The following PHKB variants were observed in gnomAD, a reference collection of about 807,000 sequenced individuals.
PHKB encodes phosphorylase b kinase regulatory subunit beta.
PHKB carries 122 observed loss-of-function variants against 152.1 expected under a neutral mutation model. The observed-to-expected ratio is 0.80, with a 90% CI of 0.69 to 0.93. PHKB has a LOEUF of 0.93. Among genes scored for constraint, PHKB ranks in the 40% least tolerant of loss-of-function variants. PHKB has a pLI of 0.00. For missense variants in PHKB, 1,304 were observed against 1,328.4 expected, an observed-to-expected ratio of 0.98 and a Z score of 0.29; for synonymous variants, 436 against 464.9, an observed-to-expected ratio of 0.94 and a Z score of 0.80.
At chr16:47,677,898 T>G (rs556829029) in intron 26 of PHKB, among the ~76,000 whole-genome samples, 1 of 150,752 alleles carries the variant, frequency 6.6e-6, no homozygotes, top group East Asian at 2.0e-4. Context: ...TAGGTATATC[T>G]CCTAATGCTA....
At chr16:47,468,907 G>A (rs949922842) in intron 1 of PHKB, among the ~76,000 whole-genome samples, 5 of 152,150 alleles carry the variant, frequency 3.3e-5, no homozygotes, top group Admixed American at 2.0e-4. Flanking sequence ...TGTTTGGGTA[G>A]CTTGTTCCTT....
chr16:47,497,562 T>A, intron 2 of PHKB, 74 bp downstream of exon 2: 1 of 866,972 alleles, frequency 1.2e-6, no homozygotes, highest in Non-Finnish European at 1.9e-6. Flanking sequence ...TTAAATTATG[T>A]ACATTATGTG....
rs199656987 is a variant in PHKB, at chr16:47,478,466, ATTTTTTTTTT to A, written c.76+17052_76+17061del. ...GAAGCAGGTTATATATTGCTGTGAA[ATTTTTTTTTT>A]TTTTTTTTTTTGCTTTACCTGAAAA... On this transcript the variant is annotated intron_variant, in intron 1 of 30. Coordinates refer to ENST00000323584, the MANE Select transcript of PHKB (RefSeq NM_000293.3). Among the ~76,000 whole-genome samples the A allele has an allele frequency of 6.6e-3, 840 of 127,908 alleles. 13 individuals are homozygous for A. Among genetic ancestry groups the A allele is most frequent in the African/African-American group, 0.024 (797 of 32,642 alleles). The allele number at this position is 127,908 out of a possible 152,430, so 83.9% of individuals were successfully genotyped here.
intron 11 of PHKB, 83 bp from the exon 12 acceptor site, chr16:47,594,054 G>A (rs990875460): frequency 2.8e-5 from 20 of 717,316 alleles, no homozygotes; most frequent in African/African-American, 5.3e-5. Context: ...ATTGTAACTG[G>A]GCTAATATAT....
At chr16:47,683,519 T>C (rs1419447070) in intron 26 of PHKB, among the ~76,000 whole-genome samples, 1 of 152,190 alleles carries the variant, frequency 6.6e-6, no homozygotes, top group Non-Finnish European at 1.5e-5. Context: ...CAGACTGCTG[T>C]GCTAGCAATC....
At chr16:47,515,931 CTTTT>C (rs753864226) in intron 6 of PHKB, among the ~76,000 whole-genome samples, 1 of 140,338 alleles carries the variant, frequency 7.1e-6, no homozygotes, top group Non-Finnish European at 1.6e-5. Flanking sequence ...CAATTATTGT[CTTTT>C]TTTTTTTTTT....
chr16:47,697,487 C>G (rs2142111630), intron 29 of PHKB, among the ~76,000 whole-genome samples: 1 of 152,336 alleles, frequency 6.6e-6, no homozygotes, highest in Middle Eastern at 3.4e-3. Context: ...ACAGTGAAGT[C>G]ATTCCCTTTG....
Position 47,666,336 on chromosome 16 carries a change from C to T in PHKB, c.2427+1361C>T, listed in dbSNP as rs139865819. On this transcript the variant is annotated intron_variant, in intron 25 of 30. Transcript: ENST00000323584. ...CTACTGAAGTACTCCAGACAGGTTT[C>T]GGATAGGCAGAACAGAGGTAGGTGA... 3.2e-3 allele frequency among the ~76,000 whole-genome samples: 482 copies of T among 152,280 alleles called. 2 individuals are homozygous for T. The highest frequency in any genetic ancestry group is 0.011 in the African/African-American group (458 of 41,556).
chr16:47,680,264 C>A (rs1973823964), intron 26 of PHKB, among the ~76,000 whole-genome samples: 1 of 152,140 alleles, frequency 6.6e-6, no homozygotes, highest in East Asian at 1.9e-4. Flanking sequence ...GCTTTGGTAT[C>A]AGGATTATGC....
intron 14 of PHKB, among the ~76,000 whole-genome samples, chr16:47,620,681 C>A (rs1223023826): frequency 6.6e-6 from 1 of 152,142 alleles, no homozygotes; most frequent in Non-Finnish European, 1.5e-5. Context: ...CAAGACCAGC[C>A]TGGCCAACAT....
intron 7 of PHKB, among the ~76,000 whole-genome samples, chr16:47,571,963 C>T (rs560824677): frequency 1.3e-5 from 2 of 152,198 alleles, no homozygotes; most frequent in South Asian, 4.1e-4. Flanking sequence ...ACTGTGAATC[C>T]AGCTGCTTAT....
chr16:47,470,710 T>G (rs972921929), intron 1 of PHKB, among the ~76,000 whole-genome samples: 12 of 152,250 alleles, frequency 7.9e-5, no homozygotes, highest in Non-Finnish European at 1.5e-4. Context: ...CTTCTCTTCA[T>G]CTATAGTGCC....
chr16:47,506,198 AAAG>A (rs1468108247), intron 4 of PHKB, among the ~76,000 whole-genome samples: 1 of 151,960 alleles, frequency 6.6e-6, no homozygotes, highest in South Asian at 2.1e-4. Flanking sequence ...AAAAAAAAGA[AAAG>A]AAAGAAAAAA....
At chr16:47,642,957 C>T (rs574326525) in intron 16 of PHKB, among the ~76,000 whole-genome samples, 5 of 152,142 alleles carry the variant, frequency 3.3e-5, no homozygotes, top group Non-Finnish European at 7.3e-5. Context: ...ATGCTGTGCT[C>T]TTAGTATTCA....
At chr16:47,629,366 C>T (rs1972778034) in intron 14 of PHKB, among the ~76,000 whole-genome samples, 1 of 151,994 alleles carries the variant, frequency 6.6e-6, no homozygotes, top group South Asian at 2.1e-4. Context: ...GGGCGAAGGA[C>T]ATGAACAGAC....
At chr16:47,589,554 G>A (rs755089573) in intron 10 of PHKB, among the ~76,000 whole-genome samples, 12 of 151,924 alleles carry the variant, frequency 7.9e-5, no homozygotes, top group Admixed American at 3.3e-4. Context: ...AAAACTGATA[G>A]GCCATTCCAT....
chr16:47,519,350 A>G (rs988958268), intron 6 of PHKB, among the ~76,000 whole-genome samples: 5 of 152,210 alleles, frequency 3.3e-5, no homozygotes, highest in Non-Finnish European at 2.9e-5. Context: ...TTATTATTTC[A>G]CAGCCCATGG....
intron 6 of PHKB, among the ~76,000 whole-genome samples, chr16:47,538,319 G>A (rs1288813996): frequency 6.6e-6 from 1 of 152,228 alleles, no homozygotes; most frequent in East Asian, 1.9e-4. Flanking sequence ...GTTTACACAG[G>A]AAGGTTTCCC....
intron 1 of PHKB, among the ~76,000 whole-genome samples, chr16:47,469,707 C>A (rs116073511): frequency 0.021 from 3,127 of 152,210 alleles, 104 homozygotes; most frequent in African/African-American, 0.071. Flanking sequence ...CTCAGCATCA[C>A]GTAATATACC....
Sources: gnomAD v4.1 joint callset for allele counts (sites outside exome capture counted in the v4.1 genomes callset) on GRCh38, gnomAD v4.1.1 for gene constraint, MANE v1.5 for transcripts, NCBI Gene and HGNC (gene_info 2026-07-23, HGNC 2026-07-21) for gene names.